Variants in COTL1 observed in about 807,000 individuals in gnomAD.
COTL1 encodes the protein coactosin-like protein.
Under a neutral mutation model 16.5 loss-of-function variants are expected in COTL1, and 15 were observed. The observed-to-expected ratio is 0.91, with a 90% confidence interval of 0.61 to 1.40. The LOEUF is 1.40. Ranked by LOEUF, COTL1 falls within the 40% of genes most tolerant of loss-of-function variation. COTL1 has a pLI of 0.00. For missense variants in COTL1, 220 were observed against 201.5 expected (o/e 1.09, Z -0.56); for synonymous variants, 112 against 85.3 (o/e 1.31, Z -1.73).
At chr16:84,592,710 C>T (rs1053987837) in intron 2 of COTL1, among the ~76,000 whole-genome samples, 1 of 152,188 alleles carries the variant, frequency 6.6e-6, no homozygotes, top group Non-Finnish European at 1.5e-5. Flanking sequence ...CACAAACCAC[C>T]TGTCTACAGG....
chr16:84,597,631 G>A (rs959944956), intron 2 of COTL1, among the ~76,000 whole-genome samples: 5 of 152,214 alleles, frequency 3.3e-5, no homozygotes, highest in Non-Finnish European at 1.5e-5. Flanking sequence ...AGAGGAAGAG[G>A]TGGAGAAGAG....
intron 2 of COTL1, among the ~76,000 whole-genome samples, chr16:84,602,935 G>C (rs368267444): frequency 6.6e-6 from 1 of 152,046 alleles, no homozygotes; most frequent in African/African-American, 2.4e-5. Context: ...TGATGCCTGC[G>C]TAACAAGGAA....
At chr16:84,578,922 C>G (rs1904514609) in intron 3 of COTL1, among the ~76,000 whole-genome samples, 1 of 118,472 alleles carries the variant, frequency 8.4e-6, no homozygotes, top group Admixed American at 7.4e-5. Context: ...CATGCATACA[C>G]ACAGATACAT....
At chr16:84,613,180 A>G (rs1306777418) in intron 2 of COTL1, among the ~76,000 whole-genome samples, 7 of 151,808 alleles carry the variant, frequency 4.6e-5, no homozygotes, top group African/African-American at 1.7e-4. Flanking sequence ...TTGTATTTTT[A>G]GTAGAGACAG....
chr16:84,600,249 C>G (rs1315514454), intron 2 of COTL1, among the ~76,000 whole-genome samples: 1 of 151,980 alleles, frequency 6.6e-6, no homozygotes, highest in African/African-American at 2.4e-5. Flanking sequence ...AAACTGAAAC[C>G]CATTACTCTG....
At chr16:84,595,876 T>C (rs1904992197) in intron 2 of COTL1, 1 of 150,956 alleles carries the variant, frequency 6.6e-6, no homozygotes, top group African/African-American at 2.5e-5. Context: ...TTCATGTATT[T>C]GTGTATGTGT....
At position 84,617,568 on chromosome 16, in the gene COTL1, A is replaced by G. The variant is rs1437424960; in HGVS notation, c.93T>C (p.Tyr31=). 1 of 1,557,030 alleles carries G rather than the reference A, an allele frequency of 6.4e-7. No homozygotes were observed. The highest frequency in any genetic ancestry group is 8.7e-7 in the Non-Finnish European group (1 of 1,149,646). The part of the protein sequence containing the change: ...GSAVIWVTFK[Y]DGSTIVPGEQ... Reference sequence around the variant, plus strand: ...CGCCGGGGACGATGGTGGAGCCGTCATATTTAAAAGTCACCCTTTGGGTTG... The same window carrying G: ...CGCCGGGGACGATGGTGGAGCCGTCGTATTTAAAAGTCACCCTTTGGGTTG... Residue 31 remains tyrosine (Y), a synonymous_variant, in exon 2 of 4, where the codon TAT becomes TAC. Coordinates refer to ENST00000262428, the MANE Select transcript of COTL1 (RefSeq NM_021149.5).
intron 3 of COTL1, among the ~76,000 whole-genome samples, chr16:84,577,579 A>G (rs1904482166): frequency 6.6e-6 from 1 of 152,186 alleles, no homozygotes; most frequent in Admixed American, 6.5e-5. Flanking sequence ...GAGTCATTAT[A>G]GATAAAGGGA....
chr16:84,598,286 T>A (rs895525338), intron 2 of COTL1, among the ~76,000 whole-genome samples: 1 of 152,164 alleles, frequency 6.6e-6, no homozygotes, highest in Admixed American at 6.5e-5. Context: ...CTATGAAGCC[T>A]CATCAGAAGC....
chr16:84,578,049 C>T (rs897147298), intron 3 of COTL1, among the ~76,000 whole-genome samples: 20 of 152,128 alleles, frequency 1.3e-4, no homozygotes, highest in African/African-American at 4.6e-4. Context: ...CTCCTCTCTC[C>T]GGTGTCCACA....
chr16:84,571,990 G>C (rs1904345617), intron 3 of COTL1, among the ~76,000 whole-genome samples: 1 of 152,212 alleles, frequency 6.6e-6, no homozygotes, highest in African/African-American at 2.4e-5. Context: ...TCAGGGCGTG[G>C]ACTCCACAGA....
intron 2 of COTL1, 32 bp downstream of exon 2, chr16:84,617,469 C>G (rs1341448174): frequency 1.3e-6 from 2 of 1,543,406 alleles, no homozygotes; most frequent in African/African-American, 1.4e-5. Context: ...TCCCAACGAC[C>G]GCGCATCCGC....
chr16:84,603,930 C>T (rs1865203460), intron 2 of COTL1, among the ~76,000 whole-genome samples: 1 of 151,130 alleles, frequency 6.6e-6, no homozygotes, highest in Non-Finnish European at 1.5e-5. Context: ...GCACCCTGGG[C>T]CCTGCCAGCT....
At chr16:84,616,444 A>G (rs577572825) in intron 2 of COTL1, 2 of 152,262 alleles carry the variant, frequency 1.3e-5, no homozygotes, top group South Asian at 2.1e-4. Flanking sequence ...CGGAGGTTGC[A>G]GTTAGCTGAG....
chr16:84,568,741 T>A (rs1597165005), intron 3 of COTL1: 1 of 152,184 alleles, frequency 6.6e-6, no homozygotes, highest in African/African-American at 2.4e-5. Flanking sequence ...AAAGTACACT[T>A]AGGATGACTT....
intron 2 of COTL1, chr16:84,594,509 T>A (rs1904949104): frequency 6.6e-6 from 1 of 152,288 alleles, no homozygotes; most frequent in Admixed American, 6.5e-5. Flanking sequence ...GGCTCTGTTT[T>A]GAGGAGTGTC....
intron 2 of COTL1, among the ~76,000 whole-genome samples, chr16:84,597,463 C>T (rs1905028605): frequency 6.6e-6 from 1 of 152,186 alleles, no homozygotes; most frequent in Admixed American, 6.5e-5. Flanking sequence ...GGTCCTCGGA[C>T]CAGCAGCACC....
chr16:84,606,591 A>G (rs925230890), intron 2 of COTL1, among the ~76,000 whole-genome samples: 4 of 152,212 alleles, frequency 2.6e-5, no homozygotes, highest in Non-Finnish European at 4.4e-5. Flanking sequence ...ACTCCTTGTC[A>G]CCTTCTCCAA....
intron 2 of COTL1, among the ~76,000 whole-genome samples, chr16:84,617,245 G>A (rs1027329598): frequency 1.3e-5 from 2 of 152,224 alleles, no homozygotes; most frequent in African/African-American, 2.4e-5. Context: ...ACCGCAGGGG[G>A]CAAAAGAGCT....
Sources: gnomAD v4.1 joint callset for allele counts (sites outside exome capture counted in the v4.1 genomes callset) on GRCh38, gnomAD v4.1.1 for gene constraint, MANE v1.5 for transcripts, NCBI Gene and HGNC (gene_info 2026-07-23, HGNC 2026-07-21) for gene names.